Variants in RIPK1 observed in about 807,000 individuals in gnomAD.
RIPK1 encodes the protein receptor-interacting serine/threonine-protein kinase 1.
A neutral mutation model predicts 62.4 loss-of-function variants in RIPK1; 27 were observed. The ratio of observed to expected loss-of-function variants is 0.43; its 90% CI spans 0.32 to 0.60. RIPK1 has a LOEUF of 0.60. Ranked by LOEUF, RIPK1 falls within the 20% of genes least tolerant of loss-of-function variation. RIPK1 has a pLI of 0.07. For synonymous variants in RIPK1, 287 were observed against 303.2 expected (o/e 0.95, Z 0.55); for missense variants, 735 against 831.0 (o/e 0.88, Z 1.42).
Position 3,108,009 on chromosome 6 carries a change from T to C in RIPK1, c.1576+1958T>C, listed in dbSNP as rs1760951423. 4.0e-5 allele frequency among the ~76,000 whole-genome samples: 6 copies of C among 151,724 alleles called. No homozygotes were observed. In the South Asian group the frequency reaches 1.2e-3, roughly 32 times the overall value. On this transcript the variant is annotated intron_variant, in intron 9 of 10. Coordinates refer to ENST00000259808, the MANE Select transcript of RIPK1 (RefSeq NM_001354930.2). Reference sequence around the variant, plus strand: ...TCTCCTTGCAAATTTAAATAAGTCTTCTGCTTGCTTTTATCATCAAAAAGT... The same window carrying C: ...TCTCCTTGCAAATTTAAATAAGTCTCCTGCTTGCTTTTATCATCAAAAAGT...
chr6:3,090,344 C>T (rs910992775), intron 7 of RIPK1, among the ~76,000 whole-genome samples: 2 of 152,082 alleles, frequency 1.3e-5, no homozygotes, highest in African/African-American at 4.8e-5. Flanking sequence ...CTTCCAGCAA[C>T]CTACCCCATA....
chr6:3,103,651 T>C (rs1241299964), intron 7 of RIPK1, among the ~76,000 whole-genome samples: 1 of 152,222 alleles, frequency 6.6e-6, no homozygotes, highest in African/African-American at 2.4e-5. Flanking sequence ...TGATGTATTA[T>C]TTTTACTCTT....
chr6:3,113,440 G>A lies in RIPK1; in HGVS notation c.*101G>A, dbSNP rs1404702085. On this transcript the variant is annotated 3_prime_UTR_variant, in exon 11 of 11. Transcript: ENST00000259808. This position sits in a 1 kb window ranked among gnomAD's most constrained non-coding sequence, Gnocchi z 5.0. ...ATTCAGAATTCTGTCCTCACTGATA[G>A]GGGTTCTGTGTCTGCAGAAATTTTG... 8.0e-6 allele frequency: 9 copies of A among 1,127,378 alleles called. No individual in the cohort carries two copies. Among genetic ancestry groups the A allele is most frequent in the Non-Finnish European group, 6.2e-6 (5 of 804,832 alleles). 69.8% of individuals were successfully genotyped at this position (1,127,378 alleles called of 1,614,324 possible). A position where few individuals can be genotyped will look rare whatever the true frequency, so the allele number is the denominator to read the frequency against.
upstream of RIPK1, among the ~76,000 whole-genome samples, chr6:3,067,051 ATTTTTTT>A (rs36132424): frequency 2.4e-4 from 14 of 59,048 alleles, no homozygotes; most frequent in Admixed American, 6.6e-4. Context: ...TTGCTCCAGG[ATTTTTTT>A]TTTTTTTTTT....
Position 3,113,578 on chromosome 6 carries a change from C to T in RIPK1, c.*239C>T, listed in dbSNP as rs1328316672. On this transcript the variant is annotated 3_prime_UTR_variant, in exon 11 of 11. Coordinates refer to ENST00000259808, the MANE Select transcript of RIPK1 (RefSeq NM_001354930.2). The surrounding 1 kb of genome is among the most constrained non-coding windows in gnomAD (Gnocchi z 5.0). ...GACTCAAGTGATCCTCCCGCCTCGG[C>T]CTTCCAAAGTGCTGGGATATCAGGC... 2 of 472,470 alleles carry T rather than the reference C, an allele frequency of 4.2e-6. No individual in the cohort carries two copies. The highest frequency in any genetic ancestry group is 7.6e-6 in the Non-Finnish European group (2 of 262,844). The allele number at this position is 472,470 out of a possible 1,614,324, so 29.3% of individuals were successfully genotyped here.
At chr6:3,067,713 C>T (rs955130405), upstream of RIPK1, among the ~76,000 whole-genome samples, 2 of 148,860 alleles carry the variant, frequency 1.3e-5, no homozygotes, top group African/African-American at 5.0e-5. Context: ...ACATACATAT[C>T]TTTTCACAGT....
intron 7 of RIPK1, among the ~76,000 whole-genome samples, chr6:3,093,984 GAGCGCCTACCTGC>G (rs1760118372): frequency 1.6e-5 from 2 of 128,106 alleles, no homozygotes; most frequent in African/African-American, 6.1e-5. Flanking sequence ...AGTAACTGCA[GAGCGCCTACCTGC>G]CGCACCTAGT....
chr6:3,078,533 C>A (rs927189654), intron 3 of RIPK1, among the ~76,000 whole-genome samples: 1 of 152,150 alleles, frequency 6.6e-6, no homozygotes, highest in Non-Finnish European at 1.5e-5. Flanking sequence ...CAGAGACAAG[C>A]CCTGTCTTCA....
Position 3,105,466 on chromosome 6 carries a change from G to A in RIPK1, c.1007-16G>A, listed in dbSNP as rs748313585. ...GTTTCATGACACCCATTCTAATGTT[G>A]ATCATTTCTTCTCAGCCACAGAACA... On this transcript the variant is annotated splice_polypyrimidine_tract_variant and intron_variant, in intron 8 of 10. Coordinates refer to ENST00000259808, the MANE Select transcript of RIPK1 (RefSeq NM_001354930.2). This position sits in a 1 kb window ranked among gnomAD's most constrained non-coding sequence, Gnocchi z 4.5. 6.6e-7 allele frequency: 1 copy of A among 1,513,696 alleles called. No homozygotes were observed. Among genetic ancestry groups the A allele is most frequent in the Admixed American group, 2.3e-5 (1 of 44,094 alleles). 93.8% of individuals were successfully genotyped at this position (1,513,696 alleles called of 1,614,324 possible).
chr6:3,070,602 T>C (rs1758660054), intron 1 of RIPK1, among the ~76,000 whole-genome samples: 1 of 152,206 alleles, frequency 6.6e-6, no homozygotes, highest in Non-Finnish European at 1.5e-5. Context: ...CATGCCTGGC[T>C]AATTTTTGTA....
intron 7 of RIPK1, among the ~76,000 whole-genome samples, chr6:3,099,010 T>A (rs757854256): frequency 3.9e-5 from 6 of 152,202 alleles, no homozygotes; most frequent in Non-Finnish European, 7.3e-5. Flanking sequence ...TTCACTCAGC[T>A]CCTTGCAACA....
At position 3,098,202 on chromosome 6, in the gene RIPK1, A is replaced by C. The variant is rs146266998; in HGVS notation, c.916-6023A>C. ...CAATAAATAAATAAATAAATAAACC[A>C]GTCACAGAATGGGAGAAGTGCAACA... On this transcript the variant is annotated intron_variant, in intron 7 of 10. Transcript: ENST00000259808. Among the ~76,000 whole-genome samples the C allele has an allele frequency of 2.0e-5, 3 of 152,372 alleles. No homozygotes were observed. The East Asian group carries it at 5.8e-4, about 29-fold the overall frequency.
At position 3,076,898 on chromosome 6, in the gene RIPK1, C is replaced by T. The variant is rs756198478; in HGVS notation, c.75C>T (p.Ser25=). 76 of 1,609,200 alleles carry T rather than the reference C, an allele frequency of 4.7e-5. No individual in the cohort carries two copies. The highest frequency in any genetic ancestry group is 1.6e-4 in the East Asian group (7 of 44,792). The part of the protein sequence containing the change: ...SDFLESAELD[S]GGFGKVSLCF... ...TCCTGGAGAGTGCAGAACTGGACAG[C>T]GGAGGCTTTGGGAAGGTGTCTCTGT... The change falls in exon 2 of 11, where the codon AGC becomes AGT. Residue 25 remains serine (S), a synonymous_variant. Transcript: ENST00000259808.
intron 7 of RIPK1, among the ~76,000 whole-genome samples, chr6:3,098,679 C>A (rs906104291): frequency 1.2e-4 from 19 of 152,154 alleles, no homozygotes; most frequent in African/African-American, 4.3e-4. Context: ...AGGAGGAGAT[C>A]AGAACAGTGT....
At chr6:3,101,142 G>A (rs1267291842) in intron 7 of RIPK1, among the ~76,000 whole-genome samples, 1 of 152,154 alleles carries the variant, frequency 6.6e-6, no homozygotes, top group African/African-American at 2.4e-5. Flanking sequence ...GCCAAGCGTG[G>A]TGGCGCATGC....
chr6:3,083,430 C>T, intron 5 of RIPK1, 117 bp downstream of exon 5: 7 of 777,588 alleles, frequency 9.0e-6, no homozygotes, highest in South Asian at 5.2e-5. Context: ...ATTTAGGAAT[C>T]AGTGATCATA....
At chr6:3,082,678 T>C (rs892492072) in intron 4 of RIPK1, among the ~76,000 whole-genome samples, 4 of 152,232 alleles carry the variant, frequency 2.6e-5, no homozygotes, top group African/African-American at 9.6e-5. Context: ...ATTTAGCCAC[T>C]GTCTGCTGCA....
intron 4 of RIPK1, 117 bp downstream of exon 4, chr6:3,081,233 T>C: frequency 8.5e-7 from 1 of 1,174,244 alleles, no homozygotes; most frequent in Non-Finnish European, 1.2e-6. Context: ...AGCTTATAAC[T>C]GTTGATGATG....
intron 5 of RIPK1, among the ~76,000 whole-genome samples, chr6:3,084,742 C>T (rs556715065): frequency 6.6e-6 from 1 of 152,154 alleles, no homozygotes; most frequent in Non-Finnish European, 1.5e-5. Flanking sequence ...TACAGGTGCA[C>T]ACCACCATGC....
Sources: gnomAD v4.1 joint callset for allele counts (sites outside exome capture counted in the v4.1 genomes callset) on GRCh38, gnomAD v4.1.1 for gene constraint, Gnocchi (gnomAD v3.1) non-coding constraint, MANE v1.5 for transcripts, NCBI Gene and HGNC (gene_info 2026-07-23, HGNC 2026-07-21) for gene names.